Variants in RHOT1 observed in about 807,000 individuals in gnomAD.
The protein encoded by RHOT1 is mitochondrial Rho GTPase 1.
In RHOT1, 27 loss-of-function variants were observed where a neutral mutation model predicts 95.3. The observed-to-expected ratio is 0.28, with a 90% confidence interval of 0.21 to 0.39. RHOT1 has a LOEUF of 0.39. RHOT1 is among the 10% of genes least tolerant of loss of function. The pLI is 1.00. For missense variants in RHOT1, 578 were observed against 786.7 expected (o/e 0.73, Z 3.17); for synonymous variants, 227 against 263.5 (o/e 0.86, Z 1.34).
intron 11 of RHOT1, among the ~76,000 whole-genome samples, chr17:32,197,524 A>G (rs2036988842): frequency 6.6e-6 from 1 of 150,796 alleles, no homozygotes; most frequent in Non-Finnish European, 1.5e-5. Context: ...TCCCAGGTTC[A>G]TCGACATTCT....
chr17:32,169,501 T>C (rs1420679439), intron 1 of RHOT1, among the ~76,000 whole-genome samples: 1 of 152,200 alleles, frequency 6.6e-6, no homozygotes, highest in Admixed American at 6.5e-5. Context: ...ACTAACCCTT[T>C]AAATATGATG....
At chr17:32,223,010 T>G (rs1299830504) in intron 19 of RHOT1, 4 of 307,890 alleles carry the variant, frequency 1.3e-5, no homozygotes, top group African/African-American at 2.3e-5. Context: ...TTGGAAAAAC[T>G]AACTTGCAAG....
At chr17:32,208,926 G>A (rs184725151) in intron 18 of RHOT1, 3 of 154,510 alleles carry the variant, frequency 1.9e-5, no homozygotes, top group Admixed American at 6.4e-5. Context: ...TTTACTAACT[G>A]CCTTAAAATT....
chr17:32,158,189 C>T (rs1429287110), intron 1 of RHOT1, among the ~76,000 whole-genome samples: 1 of 151,952 alleles, frequency 6.6e-6, no homozygotes, highest in Non-Finnish European at 1.5e-5. Context: ...CCATATTATC[C>T]CCACATAGTA....
In RHOT1 at chr17:32,193,170, C is replaced by T; in HGVS notation, c.674C>T (p.Ala225Val). The stretch of plus-strand genomic sequence containing the variant: ...TTCAACACTCCATTAGCTCCTCAAG[C>T]TCTGGAGGATGTCAAGAATGTAGTC... ...ICFNTPLAPQ[A>V]LEDVKNVVRK... Residue 225 changes from alanine to valine, a missense_variant, in exon 10 of 20, where the codon GCT becomes GTT. Physicochemically the swap from Ala to Val is moderately conservative, Grantham distance 64 (BLOSUM62 0). This residue lies in a region of RHOT1 where 227 missense variants were observed against 316.0 expected (regional missense o/e 0.72). Coordinates refer to ENST00000545287, the MANE Select transcript of RHOT1 (RefSeq NM_001033566.3). 6.2e-7 allele frequency: 1 copy of T among 1,612,936 alleles called. No homozygotes were observed.
chr17:32,149,615 A>ATGTGTG (rs1272063309), intron 1 of RHOT1, among the ~76,000 whole-genome samples: 55 of 84,090 alleles, frequency 6.5e-4, no homozygotes, highest in African/African-American at 3.5e-3. Context: ...ATATATATAT[A>ATGTGTG]TATATATATA....
intron 12 of RHOT1, 113 bp downstream of exon 12, chr17:32,199,144 T>A: frequency 5.8e-6 from 5 of 865,256 alleles, no homozygotes; most frequent in Non-Finnish European, 9.0e-6. Context: ...AAAAACTGCT[T>A]AACCTCTCTA....
At position 32,204,032 on chromosome 17, in the gene RHOT1, CTT is replaced by C. The variant is rs1356601503; in HGVS notation, c.1416+61_1416+62del. 2.6e-6 allele frequency: 3 copies of C among 1,175,320 alleles called. No homozygotes were observed. In the African/African-American group the frequency reaches 4.6e-5, roughly 18 times the overall value. 72.8% of individuals were successfully genotyped at this position (1,175,320 alleles called of 1,614,324 possible). ...TTATTGGGTACATTTTTAAATGACTCTTTGAAAACAAATTGGCTTCAATTGAA... is the reference window on the plus strand; with the variant it reads ...TTATTGGGTACATTTTTAAATGACTCTGAAAACAAATTGGCTTCAATTGAA... On this transcript the variant is annotated intron_variant, in intron 16 of 19. Transcript: ENST00000545287.
intron 1 of RHOT1, among the ~76,000 whole-genome samples, chr17:32,164,123 A>G (rs987077431): frequency 3.2e-4 from 48 of 152,186 alleles, no homozygotes; most frequent in African/African-American, 1.1e-3. Context: ...CCACTGCGCG[A>G]AAAGAATAGT....
Position 32,142,516 on chromosome 17 carries a change from C to A in RHOT1, c.-177C>A. 2.2e-6 allele frequency: 1 copy of A among 462,878 alleles called. No homozygotes were observed. Among genetic ancestry groups the A allele is most frequent in the Non-Finnish European group, 3.6e-6 (1 of 281,368 alleles). The allele number at this position is 462,878 out of a possible 1,614,324, so 28.7% of individuals were successfully genotyped here. ...CCGCCGCCGCCACAGCCCGCTGGGC[C>A]GGAGGAGGCGGAGCTGGCGCTGTCC... On this transcript the variant is annotated 5_prime_UTR_variant, in exon 1 of 20. Coordinates refer to ENST00000545287, the MANE Select transcript of RHOT1 (RefSeq NM_001033566.3).
rs1567722235 is a variant in RHOT1, at chr17:32,208,149, G to A, written c.1579G>A (p.Ala527Thr). ...DSRIPCLIVA[A>T]KSDLHEVKQE... Reference sequence around the variant, plus strand: ...CAGAATACCTTGCTTAATCGTAGCTGCAAAGTCAGACCTGCATGAAGTTAA... The same window carrying A: ...CAGAATACCTTGCTTAATCGTAGCTACAAAGTCAGACCTGCATGAAGTTAA... The change falls in exon 18 of 20, where the codon GCA becomes ACA. Residue 527 changes from alanine to threonine, a missense_variant. Physicochemically the swap from Ala to Thr is moderately conservative, Grantham distance 58. This residue lies in a region of RHOT1 where 296 missense variants were observed against 338.5 expected (regional missense o/e 0.87). Transcript: ENST00000545287. 8 of 1,613,924 alleles carry A rather than the reference G, an allele frequency of 5.0e-6. No individual in the cohort carries two copies. The Admixed American group carries it at 8.3e-5, about 17-fold the overall frequency.
intron 8 of RHOT1, among the ~76,000 whole-genome samples, chr17:32,189,177 T>C (rs987655218): frequency 1.3e-5 from 2 of 152,194 alleles, no homozygotes; most frequent in Non-Finnish European, 2.9e-5. Flanking sequence ...CGGGCACCTG[T>C]AGCCCTAGCT....
At chr17:32,148,662 T>C (rs939979266) in intron 1 of RHOT1, among the ~76,000 whole-genome samples, 1 of 152,118 alleles carries the variant, frequency 6.6e-6, no homozygotes, top group African/African-American at 2.4e-5. Context: ...GTTACCTTCC[T>C]CCCCCTAGTG....
intron 15 of RHOT1, among the ~76,000 whole-genome samples, chr17:32,203,336 C>G (rs1375868687): frequency 6.2e-5 from 8 of 129,280 alleles, no homozygotes; most frequent in Admixed American, 4.6e-4. Flanking sequence ...AGTTCAGTGA[C>G]ATGATCATGG....
At position 32,224,724 on chromosome 17, in the gene RHOT1, A is replaced by G; in HGVS notation, c.1971A>G (p.Lys657=). 6.3e-7 allele frequency: 1 copy of G among 1,599,250 alleles called. No homozygotes were observed. Among genetic ancestry groups the G allele is most frequent in the Non-Finnish European group, 8.6e-7 (1 of 1,168,648 alleles). The change falls in exon 20 of 20, where the codon AAA becomes AAG. Residue 657 remains lysine (K), a synonymous_variant. Transcript: ENST00000545287. The stretch of plus-strand genomic sequence containing the variant: ...TTGCTATGTACAAAGCATTATTGAA[A>G]CAGCGATGATATAAAAAGAAATACT... ...LGFAMYKALL[K]QR
At chr17:32,167,358 G>A (rs1226099331) in intron 1 of RHOT1, among the ~76,000 whole-genome samples, 4 of 149,122 alleles carry the variant, frequency 2.7e-5, no homozygotes, top group Admixed American at 6.7e-5. Context: ...ACGGAGTCTC[G>A]CTCTGTCGCC....
chr17:32,204,085 ATTTT>A, intron 16 of RHOT1, 112 bp downstream of exon 16: 1 of 676,656 alleles, frequency 1.5e-6, no homozygotes. Context: ...CTTCTGTGTG[ATTTT>A]TTTTTTATTT....
chr17:32,204,065 C>T, intron 16 of RHOT1, 92 bp downstream of exon 16: 1 of 798,154 alleles, frequency 1.3e-6, no homozygotes, highest in Non-Finnish European at 2.0e-6. Context: ...TTGAATGACT[C>T]TCTGTAGAAC....
intron 15 of RHOT1, 43 bp downstream of exon 15, chr17:32,202,943 A>T: frequency 6.3e-7 from 1 of 1,585,664 alleles, no homozygotes; most frequent in Non-Finnish European, 8.6e-7. Flanking sequence ...ACAAATTTTT[A>T]TAGTTACTAG....
Sources: allele counts gnomAD v4.1 joint callset (sites outside exome capture counted in the v4.1 genomes callset), GRCh38; gene constraint gnomAD v4.1.1; regional missense constraint gnomAD v4.1.1; transcripts MANE v1.5; gene names NCBI Gene and HGNC (gene_info 2026-07-23, HGNC 2026-07-21).